LRRC32: variants seen among roughly 807,000 people sequenced by gnomAD.
LRRC32 encodes the protein leucine rich repeat containing 32.
A neutral mutation model predicts 15.0 loss-of-function variants in LRRC32; 5 were observed. The observed-to-expected ratio is 0.33, with a 90% confidence interval of 0.17 to 0.70. The LOEUF (loss-of-function observed/expected upper bound fraction) is 0.70. Ranked by LOEUF, LRRC32 falls within the 30% of genes least tolerant of loss-of-function variation. The pLI, the probability that LRRC32 is intolerant of heterozygous loss-of-function variation, is 0.66. For missense variants in LRRC32, 803 were observed against 854.2 expected (o/e 0.94, Z 0.75); for synonymous variants, 391 against 403.9 (o/e 0.97, Z 0.38).
At position 76,659,209 on chromosome 11, in the gene LRRC32, A is replaced by G. The variant is rs1162121865; in HGVS notation, c.*395T>C. The G allele has an allele frequency of 4.5e-6, 1 of 221,818 alleles. No homozygotes were observed. The highest frequency in any genetic ancestry group is 1.1e-4 in the East Asian group (1 of 9,054). The allele number at this position is 221,818 out of a possible 1,614,324, so 13.7% of individuals were successfully genotyped here. On this transcript the variant is annotated 3_prime_UTR_variant, in exon 3 of 3. Transcript: ENST00000260061. The stretch of plus-strand genomic sequence containing the variant: ...CTTTCACACCTCAGGCCCTAAGCAC[A>G]CTGCGTGGCGGCCACGTGGCTCTGC...
rs1243869313 is a variant in LRRC32, at chr11:76,660,964, G to A, written c.629C>T (p.Thr210Ile). ...THLNLSRNSL[T>I]CISDFSLQQL... ...CTGGAGGCTGAAGTCGGAGATGCAG[G>A]TGAGGGAATTCCTGGAGAGGTTGAG... The change falls in exon 3 of 3, where the codon ACC becomes ATC. Residue 210 changes from threonine (T) to isoleucine (I), a missense_variant. Physicochemically the swap from Thr to Ile is moderately conservative, Grantham distance 89. Transcript: ENST00000260061. 1 of 1,614,092 alleles carries A rather than the reference G, an allele frequency of 6.2e-7. No individual in the cohort carries two copies. The highest frequency in any genetic ancestry group is 1.3e-5 in the African/African-American group (1 of 74,948).
At chr11:76,662,174 G>A (rs1952547409) in intron 2 of LRRC32, among the ~76,000 whole-genome samples, 1 of 151,932 alleles carries the variant, frequency 6.6e-6, no homozygotes, top group South Asian at 2.1e-4. Context: ...TTACCTCCTA[G>A]GAGGTGGCTT....
At chr11:76,664,658 A>G (rs1952594951) in intron 2 of LRRC32, among the ~76,000 whole-genome samples, 1 of 152,148 alleles carries the variant, frequency 6.6e-6, no homozygotes, top group Non-Finnish European at 1.5e-5. Flanking sequence ...TCCCGTGTGT[A>G]TTATTCCCAT....
At position 76,665,888 on chromosome 11, in the gene LRRC32, T is replaced by C. The variant is rs1371334701; in HGVS notation, c.67A>G (p.Lys23Glu). ...TLGLAAQHQDKVPCKMVDKKV... is the reference protein window; with the variant it reads ...TLGLAAQHQDEVPCKMVDKKV... ...CATCTTACCATCTTACAGGGCACTT[T>C]GTCTTGGTGTTGTGCAGCCAGGCCT... Residue 23 changes from lysine to glutamate, a missense_variant, in exon 2 of 3, where the codon AAA (lysine) becomes GAA (glutamate). Lys to Glu is a moderately conservative substitution (Grantham distance 56). Coordinates refer to ENST00000260061, the MANE Select transcript of LRRC32 (RefSeq NM_001128922.2). 4 of 1,613,884 alleles carry C rather than the reference T, an allele frequency of 2.5e-6. No homozygotes were observed. In the African/African-American group the frequency reaches 4.0e-5, roughly 16 times the overall value.
chr11:76,661,591 T>C, intron 2 of LRRC32, 83 bp from the exon 3 acceptor site: 1 of 1,461,506 alleles, frequency 6.8e-7, no homozygotes, highest in Non-Finnish European at 9.0e-7. Context: ...CCAGGAACCC[T>C]GCCTGGCTGG....
intron 1 of LRRC32, among the ~76,000 whole-genome samples, chr11:76,670,262 G>T (rs1164022228): frequency 2.0e-5 from 3 of 152,226 alleles, no homozygotes; most frequent in Non-Finnish European, 4.4e-5. Context: ...GCAGCCCCAC[G>T]CCTGGCTGGG....
At chr11:76,667,082 C>T (rs528675490) in intron 1 of LRRC32, among the ~76,000 whole-genome samples, 2 of 152,332 alleles carry the variant, frequency 1.3e-5, no homozygotes, top group South Asian at 2.1e-4. Flanking sequence ...TTAATGGCAG[C>T]CATGCCAAGT....
At chr11:76,667,747 G>T (rs940225332) in intron 1 of LRRC32, among the ~76,000 whole-genome samples, 1 of 152,254 alleles carries the variant, frequency 6.6e-6, no homozygotes, top group Non-Finnish European at 1.5e-5. Context: ...TGGGGAGCAT[G>T]CCCTGCCTGG....
chr11:76,660,591 A>C lies in LRRC32; in HGVS notation c.1002T>G (p.Phe334Leu), dbSNP rs780797528. The stretch of plus-strand genomic sequence containing the variant: ...AGCACAGGGAGGTCAGGTGCTCAAG[A>C]AAGCTGTCGGGGATGAGCTCAATCT... ...YNEIELIPDS[F>L]LEHLTSLCFL... Residue 334 changes from phenylalanine to leucine, a missense_variant, in exon 3 of 3, where the codon TTT becomes TTG. By Grantham distance (22) the Phe-to-Leu change is conservative. Transcript: ENST00000260061. 6.2e-7 allele frequency: 1 copy of C among 1,614,012 alleles called. No homozygotes were observed. Among genetic ancestry groups the C allele is most frequent in the African/African-American group, 1.3e-5 (1 of 74,910 alleles).
chr11:76,664,204 C>T (rs1295838729), intron 2 of LRRC32, among the ~76,000 whole-genome samples: 1 of 152,232 alleles, frequency 6.6e-6, no homozygotes, highest in Non-Finnish European at 1.5e-5. Context: ...CAGCCCAAGA[C>T]TGGCTTTCCA....
intron 1 of LRRC32, among the ~76,000 whole-genome samples, chr11:76,668,477 T>C (rs1173932204): frequency 1.3e-5 from 2 of 152,182 alleles, no homozygotes; most frequent in South Asian, 2.1e-4. Context: ...TCTCTGACTC[T>C]TGCCCATTTT....
At position 76,659,498 on chromosome 11, in the gene LRRC32, G is replaced by A; in HGVS notation, c.*106C>T. On this transcript the variant is annotated 3_prime_UTR_variant, in exon 3 of 3. Transcript: ENST00000260061. ...GAAAGGTGTCCTGGGCTGTAATTTG[G>A]AGACCAGAGTTCTGGGATCCCGGAT... is the stretch of plus-strand genomic sequence containing the variant. The A allele has an allele frequency of 8.1e-7, 1 of 1,241,612 alleles. No homozygotes were observed. Among genetic ancestry groups the A allele is most frequent in the South Asian group, 1.5e-5 (1 of 67,158 alleles). 76.9% of individuals were successfully genotyped at this position (1,241,612 alleles called of 1,614,324 possible).
intron 2 of LRRC32, 88 bp from the exon 3 acceptor site, chr11:76,661,596 G>A (rs1466595718): frequency 7.5e-6 from 11 of 1,460,376 alleles, no homozygotes; most frequent in Non-Finnish European, 6.3e-6. Flanking sequence ...AACCCTGCCT[G>A]GCTGGGGAAC....
chr11:76,665,723 C>CT, intron 2 of LRRC32, 148 bp downstream of exon 2: 1 of 1,148,156 alleles, frequency 8.7e-7, no homozygotes, highest in Non-Finnish European at 1.2e-6. Flanking sequence ...GGTGTTTAAA[C>CT]ATTCTAGTAG....
intron 1 of LRRC32, 104 bp from the exon 2 acceptor site, chr11:76,666,062 A>T: frequency 9.9e-7 from 1 of 1,013,544 alleles, no homozygotes; most frequent in Non-Finnish European, 1.5e-6. Context: ...AGGGAACCCC[A>T]GAGCACGGCT....
In LRRC32 at chr11:76,660,995, T is replaced by C. The variant is rs757011604; in HGVS notation, c.598A>G (p.Thr200Ala). Residue 200 changes from threonine (T) to alanine (A), a missense_variant, in exon 3 of 3, where the codon ACC (threonine) becomes GCC (alanine). Transcript: ENST00000260061. ...GAATTCCTGGAGAGGTTGAGATGGG[T>C]CAGGCGGGGCAGACCCTCGAAGGCG... ...DGAFEGLPRL[T>A]HLNLSRNSLT... 16 of 1,613,910 alleles carry C rather than the reference T, an allele frequency of 9.9e-6. No individual in the cohort carries two copies. The highest frequency in any genetic ancestry group is 2.2e-5 in the East Asian group (1 of 44,888).
chr11:76,661,788 A>C (rs1173730829), intron 2 of LRRC32, among the ~76,000 whole-genome samples: 3 of 57,228 alleles, frequency 5.2e-5, no homozygotes, highest in Non-Finnish European at 9.3e-5. Flanking sequence ...AGACAGATAG[A>C]AGGACAAATA....
Position 76,661,358 on chromosome 11 carries a change from C to T in LRRC32, c.235G>A (p.Asp79Asn). The T allele has an allele frequency of 6.2e-7, 1 of 1,614,148 alleles. No homozygotes were observed. Among genetic ancestry groups the T allele is most frequent in the Non-Finnish European group, 8.5e-7 (1 of 1,180,008 alleles). Residue 79 changes from aspartate (D) to asparagine (N), a missense_variant, in exon 3 of 3, where the codon GAC becomes AAC. Asp to Asn is a conservative substitution (Grantham distance 23, BLOSUM62 1). Coordinates refer to ENST00000260061, the MANE Select transcript of LRRC32 (RefSeq NM_001128922.2). Reference sequence around the variant, plus strand: ...AAGCTGATCTCATTGGTGCTCAGGTCCAGGTGACGAAGTGCTGTGTAGAAG... The same window carrying T: ...AAGCTGATCTCATTGGTGCTCAGGTTCAGGTGACGAAGTGCTGTGTAGAAG... Reference protein sequence around the residue: ...LGFYTALRHLDLSTNEISFLQ... With the variant: ...LGFYTALRHLNLSTNEISFLQ...
At position 76,659,785 on chromosome 11, in the gene LRRC32, C is replaced by T. The variant is rs141254674; in HGVS notation, c.1808G>A (p.Ser603Asn). 21 of 1,614,240 alleles carry T rather than the reference C, an allele frequency of 1.3e-5. No individual in the cohort carries two copies. In the South Asian group the frequency reaches 2.2e-4, roughly 17 times the overall value. ...GCTCAGGGACACCTCCTCCTGGGAG[C>T]TGAAGCGGCAGATCAGGTCCTGGGT... is the stretch of plus-strand genomic sequence containing the variant. ...DATQDLICRF[S>N]SQEEVSLSHV... Residue 603 changes from serine (S) to asparagine (N), a missense_variant, in exon 3 of 3, where the codon AGC (serine) becomes AAC (asparagine). Physicochemically the swap from Ser to Asn is conservative, Grantham distance 46. Transcript: ENST00000260061.
Sources: allele counts gnomAD v4.1 joint callset (sites outside exome capture counted in the v4.1 genomes callset), GRCh38; gene constraint gnomAD v4.1.1; transcripts MANE v1.5; gene names NCBI Gene and HGNC (gene_info 2026-07-23, HGNC 2026-07-21).